The following AKAP13 variants were observed in gnomAD, a reference collection of about 807,000 sequenced individuals.
The protein encoded by AKAP13 is A-kinase anchoring protein 13.
Under a neutral mutation model 264.5 loss-of-function variants are expected in AKAP13, and 80 were observed. The observed-to-expected ratio is 0.30, with a 90% CI of 0.25 to 0.36. The LOEUF (loss-of-function observed/expected upper bound fraction) is 0.36, where lower values mean the gene tolerates loss of function less well. Among genes scored for constraint, AKAP13 ranks in the 10% least tolerant of loss-of-function variants. The probability of loss-of-function intolerance (pLI) is 1.00; values close to 1 mark genes in which losing one functional copy is unlikely to be tolerated. For synonymous variants in AKAP13, 1,380 were observed against 1,250.2 expected (o/e 1.10, Z -2.19); for missense variants, 3,712 against 3,435.2 (o/e 1.08, Z -2.01).
intron 2 of AKAP13, among the ~76,000 whole-genome samples, chr15:85,503,122 A>G (rs1246250686): frequency 2.0e-5 from 3 of 152,190 alleles, no homozygotes; most frequent in Admixed American, 2.0e-4. Context: ...ATGTCGTGGT[A>G]AGGGGATTAA....
At position 85,664,334 on chromosome 15, in the gene AKAP13, T is replaced by C. The variant is rs183492155; in HGVS notation, c.4800-229T>C. The stretch of plus-strand genomic sequence containing the variant: ...GATCTTAGGTGGTTCAACATTTGGA[T>C]AAATTTAATGCGGTAAGAAAATCTA... On this transcript the variant is annotated intron_variant, in intron 12 of 36. Coordinates refer to ENST00000394518, the MANE Select transcript of AKAP13 (RefSeq NM_007200.5). 6.6e-5 allele frequency among the ~76,000 whole-genome samples: 10 copies of C among 152,322 alleles called. No homozygotes were observed. The East Asian group carries it at 1.7e-3, about 26-fold the overall frequency.
At chr15:85,487,450 A>C (rs1000491057) in intron 2 of AKAP13, among the ~76,000 whole-genome samples, 3 of 152,182 alleles carry the variant, frequency 2.0e-5, no homozygotes, top group African/African-American at 7.2e-5. Context: ...TCCTAGTTTG[A>C]CTATTTTTAT....
intron 9 of AKAP13, 100 bp from the exon 10 acceptor site, chr15:85,645,718 A>T: frequency 7.9e-7 from 1 of 1,271,602 alleles, no homozygotes; most frequent in Non-Finnish European, 1.1e-6. Context: ...AGAGAGATTT[A>T]AAAGACTGGT....
At chr15:85,681,979 A>T (rs1165193807) in intron 14 of AKAP13, among the ~76,000 whole-genome samples, 179 bp from the exon 15 acceptor site, 3 of 152,122 alleles carry the variant, frequency 2.0e-5, no homozygotes, top group Non-Finnish European at 4.4e-5. Flanking sequence ...TCTGGTTCTA[A>T]TTTGAGGGTT....
chr15:85,416,218 T>C (rs1271358907), intron 1 of AKAP13, among the ~76,000 whole-genome samples: 1 of 152,236 alleles, frequency 6.6e-6, no homozygotes, highest in Non-Finnish European at 1.5e-5. Context: ...ATACCTCTAT[T>C]CATTGTGCAG....
intron 1 of AKAP13, among the ~76,000 whole-genome samples, chr15:85,474,620 G>A (rs2075087173): frequency 6.6e-6 from 1 of 152,098 alleles, no homozygotes; most frequent in South Asian, 2.1e-4. Flanking sequence ...GAATATTGAA[G>A]TTTTCCTCAT....
At chr15:85,533,549 A>G (rs765120499) in intron 3 of AKAP13, 35 bp from the exon 4 acceptor site, 6 of 1,564,764 alleles carry the variant, frequency 3.8e-6, no homozygotes, top group African/African-American at 2.7e-5. Context: ...GTGAGGCTCT[A>G]ATACTGTTTT....
At chr15:85,501,327 T>C (rs955227378) in intron 2 of AKAP13, among the ~76,000 whole-genome samples, 1 of 152,246 alleles carries the variant, frequency 6.6e-6, no homozygotes, top group African/African-American at 2.4e-5. Context: ...CTTGCCACCA[T>C]ATACTCGTGA....
intron 1 of AKAP13, among the ~76,000 whole-genome samples, chr15:85,461,510 T>A (rs11630410): frequency 0.54 from 82,282 of 152,062 alleles, 22,990 homozygotes; most frequent in Admixed American, 0.64. Flanking sequence ...TAATATAGTG[T>A]TATTTGTATC....
At chr15:85,547,979 T>A (rs1224303120) in intron 5 of AKAP13, among the ~76,000 whole-genome samples, 2 of 152,152 alleles carry the variant, frequency 1.3e-5, no homozygotes, top group Non-Finnish European at 2.9e-5. Context: ...GTTTGCAGGC[T>A]CTTGGTGTCA....
chr15:85,629,896 C>T (rs1185230677), intron 8 of AKAP13, among the ~76,000 whole-genome samples: 1 of 150,756 alleles, frequency 6.6e-6, no homozygotes, highest in Non-Finnish European at 1.5e-5. Flanking sequence ...CCTCCCACCT[C>T]AGCCTCCTGA....
chr15:85,459,445 C>T (rs1349791757), intron 1 of AKAP13, among the ~76,000 whole-genome samples: 10 of 150,744 alleles, frequency 6.6e-5, no homozygotes, highest in Non-Finnish European at 1.2e-4. Context: ...GTGATCTGCC[C>T]GCCTTGGCCT....
rs576409344 is a variant in AKAP13 at position 85,471,351 on chromosome 15, C to A, written c.-11-14359C>A. Among the ~76,000 whole-genome samples, 441 of 151,998 alleles carry A rather than the reference C, an allele frequency of 2.9e-3. 2 individuals are homozygous for A. The highest frequency in any genetic ancestry group is 0.01 in the African/African-American group (419 of 41,430). ...TCTACTAAAAATACAAAAAATTAGC[C>A]GGGTGTGGTGGCAGGTGCCTGTAGT... On this transcript the variant is annotated intron_variant, in intron 1 of 36. Transcript: ENST00000394518.
intron 17 of AKAP13, among the ~76,000 whole-genome samples, chr15:85,693,941 T>C (rs989034103): frequency 2.6e-5 from 4 of 152,236 alleles, no homozygotes; most frequent in African/African-American, 9.6e-5. Context: ...TGTATTTAAA[T>C]GCATTTTTGA....
Position 85,434,163 on chromosome 15 carries a change from T to C in AKAP13, c.-11-51547T>C, listed in dbSNP as rs867401141. Among the ~76,000 whole-genome samples, 17 of 152,010 alleles carry C rather than the reference T, an allele frequency of 1.1e-4. 1 individual carries two copies. The highest frequency in any genetic ancestry group is 7.8e-4 in the East Asian group (4 of 5,148). ...GCGAGGCATTGCCTCACTTGGGAAGTGCAAGGGGTCAGGGAGTTCCCTTTC... is the reference window on the plus strand; with the variant it reads ...GCGAGGCATTGCCTCACTTGGGAAGCGCAAGGGGTCAGGGAGTTCCCTTTC... On this transcript the variant is annotated intron_variant, in intron 1 of 36. Coordinates refer to ENST00000394518, the MANE Select transcript of AKAP13 (RefSeq NM_007200.5).
intron 8 of AKAP13, among the ~76,000 whole-genome samples, chr15:85,614,324 A>G (rs1373409255): frequency 6.6e-6 from 1 of 152,248 alleles, no homozygotes; most frequent in African/African-American, 2.4e-5. Context: ...CCAAAGAGAA[A>G]AGCCAGATCA....
rs115029487 is a variant in AKAP13, at chr15:85,710,737, T to C, written c.5599+92T>C. On this transcript the variant is annotated intron_variant, in intron 19 of 36. Coordinates refer to ENST00000394518, the MANE Select transcript of AKAP13 (RefSeq NM_007200.5). Reference sequence around the variant, plus strand: ...TGTAATATTCAGTTATTATTCATAGTCAAGATATGAATACCTATTTTGTGG... The same window carrying C: ...TGTAATATTCAGTTATTATTCATAGCCAAGATATGAATACCTATTTTGTGG... 1.0e-4 allele frequency: 141 copies of C among 1,375,206 alleles called. No homozygotes were observed. In the African/African-American group the frequency reaches 1.3e-3, roughly 13 times the overall value. The allele number at this position is 1,375,206 out of a possible 1,614,324, so 85.2% of individuals were successfully genotyped here.
intron 6 of AKAP13, among the ~76,000 whole-genome samples, chr15:85,576,371 G>T (rs112841292): frequency 6.6e-6 from 1 of 151,956 alleles, no homozygotes; most frequent in East Asian, 1.9e-4. Flanking sequence ...ATCAATAGTT[G>T]TATGGTACAA....
chr15:85,489,138 C>G (rs1214454577), intron 2 of AKAP13, among the ~76,000 whole-genome samples: 2 of 152,188 alleles, frequency 1.3e-5, no homozygotes, highest in Non-Finnish European at 2.9e-5. Flanking sequence ...GATAAGATGG[C>G]ACAGCTAATT....
Sources: gnomAD v4.1 joint callset for allele counts (sites outside exome capture counted in the v4.1 genomes callset) on GRCh38, gnomAD v4.1.1 for gene constraint, MANE v1.5 for transcripts, NCBI Gene and HGNC (gene_info 2026-07-23, HGNC 2026-07-21) for gene names.